Variants in ACTR6 observed in about 807,000 individuals in gnomAD.
ACTR6 encodes the protein actin related protein 6, also known as actin-related protein 6.
A neutral mutation model predicts 52.5 loss-of-function variants in ACTR6; 50 were observed. The observed-to-expected ratio is 0.95, with a 90% CI of 0.76 to 1.20. The LOEUF (loss-of-function observed/expected upper bound fraction) is 1.20. Ranked by LOEUF, ACTR6 falls within the 50% of genes most tolerant of loss-of-function variation. ACTR6 has a pLI of 0.00. For synonymous variants in ACTR6, 135 were observed against 147.2 expected (o/e 0.92, Z 0.60); for missense variants, 344 against 472.4 (o/e 0.73, Z 2.52).
chr12:100,212,362 T>C lies in ACTR6; in HGVS notation c.671+8T>C. ...AGACATGGATATTGCAAAGTATGTA[T>C]AATGACAATCTAAGAATTGGAAAGT... is the stretch of plus-strand genomic sequence containing the variant. On this transcript the variant is annotated splice_region_variant and intron_variant, in intron 7 of 10. Coordinates refer to ENST00000188312, the MANE Select transcript of ACTR6 (RefSeq NM_022496.5). 1 of 1,600,538 alleles carries C rather than the reference T, an allele frequency of 6.2e-7. No individual in the cohort carries two copies. Among genetic ancestry groups the C allele is most frequent in the East Asian group, 2.2e-5 (1 of 44,738 alleles).
chr12:100,201,056 G>A, intron 1 of ACTR6, 137 bp downstream of exon 1: 1 of 1,531,964 alleles, frequency 6.5e-7, no homozygotes, highest in South Asian at 1.2e-5. Flanking sequence ...CCTGGTTGGA[G>A]CTGGGTGGGT....
chr12:100,211,640 T>A (rs897235764), intron 6 of ACTR6, among the ~76,000 whole-genome samples: 1 of 152,042 alleles, frequency 6.6e-6, no homozygotes, highest in Non-Finnish European at 1.5e-5. Flanking sequence ...TATATATATA[T>A]GTTTTAAAGA....
intron 8 of ACTR6, among the ~76,000 whole-genome samples, chr12:100,214,575 A>T (rs948407919): frequency 4.6e-5 from 7 of 152,000 alleles, no homozygotes; most frequent in Admixed American, 2.0e-4. Flanking sequence ...AAAAAAAAAA[A>T]AAAATTAAAA....
At chr12:100,219,891 C>A (rs2096126727) in intron 9 of ACTR6, 117 bp from the exon 10 acceptor site, 5 of 1,003,320 alleles carry the variant, frequency 5.0e-6, no homozygotes, top group Admixed American at 2.7e-5. Context: ...TGGTTTCCCA[C>A]CAGTAACTGT....
intron 8 of ACTR6, among the ~76,000 whole-genome samples, chr12:100,216,072 G>A (rs1398489508): frequency 6.6e-6 from 1 of 152,196 alleles, no homozygotes. Context: ...GACCTAAATT[G>A]AGAAAATCGT....
intron 4 of ACTR6, 94 bp from the exon 5 acceptor site, chr12:100,209,979 T>C: frequency 1.8e-6 from 2 of 1,107,704 alleles, no homozygotes; most frequent in South Asian, 1.7e-5. Context: ...AAAGGGAACA[T>C]TTTTGTCTTG....
In ACTR6 at chr12:100,218,700, T is replaced by C. The variant is rs2096125709; in HGVS notation, c.922+114T>C. ...AGGCAAATTGGTGAGTCTGTTTTAT[T>C]TGCAGAGATTTGTAGATCCCATAAT... On this transcript the variant is annotated intron_variant, in intron 9 of 10. Coordinates refer to ENST00000188312, the MANE Select transcript of ACTR6 (RefSeq NM_022496.5). This position sits in a 1 kb window ranked among gnomAD's most constrained non-coding sequence, Gnocchi z 4.2. The C allele has an allele frequency of 3.4e-6, 2 of 593,342 alleles. No individual in the cohort carries two copies. Among genetic ancestry groups the C allele is most frequent in the Non-Finnish European group, 5.1e-6 (2 of 392,978 alleles). 36.8% of individuals were successfully genotyped at this position (593,342 alleles called of 1,614,324 possible). A position where few individuals can be genotyped will look rare whatever the true frequency, so the allele number is the denominator to read the frequency against.
chr12:100,223,636 C>A, intron 10 of ACTR6, 150 bp from the exon 11 acceptor site: 1 of 904,542 alleles, frequency 1.1e-6, no homozygotes, highest in South Asian at 1.8e-5. Flanking sequence ...GTACCTTAAA[C>A]AATTTTCTGT....
intron 9 of ACTR6, 150 bp from the exon 10 acceptor site, chr12:100,219,858 T>C (rs979053175): frequency 2.8e-6 from 2 of 704,208 alleles, no homozygotes; most frequent in Admixed American, 2.9e-5. Flanking sequence ...TTACAAATCT[T>C]AGAATGGACC....
chr12:100,216,133 C>T (rs1179695059), intron 8 of ACTR6, among the ~76,000 whole-genome samples: 1 of 152,208 alleles, frequency 6.6e-6, no homozygotes, highest in African/African-American at 2.4e-5. Flanking sequence ...ATACACTGAT[C>T]ATTTCTTTAA....
At chr12:100,219,970 G>A (rs1390846211) in intron 9 of ACTR6, 38 bp from the exon 10 acceptor site, 6 of 1,603,252 alleles carry the variant, frequency 3.7e-6, no homozygotes, top group Non-Finnish European at 5.1e-6. Context: ...ATTTTCTAAT[G>A]CCTTTTTTCC....
At chr12:100,202,461 A>G (rs1004886250) in intron 1 of ACTR6, among the ~76,000 whole-genome samples, 3 of 152,176 alleles carry the variant, frequency 2.0e-5, no homozygotes, top group Non-Finnish European at 4.4e-5. Flanking sequence ...ACAGTATTAT[A>G]AGTGAAATAA....
Position 100,218,623 on chromosome 12 carries a change from T to G in ACTR6, c.922+37T>G. 1 of 1,330,338 alleles carries G rather than the reference T, an allele frequency of 7.5e-7. No individual in the cohort carries two copies. The highest frequency in any genetic ancestry group is 9.8e-7 in the Non-Finnish European group (1 of 1,016,884). 82.4% of individuals were successfully genotyped at this position (1,330,338 alleles called of 1,614,324 possible). ...GAGTAAAATACTAAAGAATTATAAT[T>G]GTTTTAAAAACATCATAAGCCCTGT... On this transcript the variant is annotated intron_variant, in intron 9 of 10. Coordinates refer to ENST00000188312, the MANE Select transcript of ACTR6 (RefSeq NM_022496.5). The surrounding 1 kb of genome is among the most constrained non-coding windows in gnomAD (Gnocchi z 4.2).
intron 8 of ACTR6, among the ~76,000 whole-genome samples, chr12:100,217,828 C>T (rs113871544): frequency 0.038 from 5,810 of 152,132 alleles, 153 homozygotes; most frequent in South Asian, 0.073. Context: ...AGCCACATAT[C>T]CAGTAAACAC....
At chr12:100,220,740 A>G (rs1431082670) in intron 10 of ACTR6, among the ~76,000 whole-genome samples, 4 of 152,198 alleles carry the variant, frequency 2.6e-5, no homozygotes, top group African/African-American at 9.7e-5. Flanking sequence ...CTTGCCTGTA[A>G]TCCCAGCACT....
rs953914321 is a variant in ACTR6 at position 100,219,876 on chromosome 12, T to G, written c.923-132T>G. On this transcript the variant is annotated intron_variant, in intron 9 of 10. Transcript: ENST00000188312. The stretch of plus-strand genomic sequence containing the variant: ...CAAATCTTAGAATGGACCTGAAAAT[T>G]TATTTGGTTTCCCACCAGTAACTGT... The G allele has an allele frequency of 5.9e-6, 5 of 840,924 alleles. No individual in the cohort carries two copies. The African/African-American group carries it at 6.9e-5, about 12-fold the overall frequency. 52.1% of individuals were successfully genotyped at this position (840,924 alleles called of 1,614,324 possible).
chr12:100,223,808 G>A lies in ACTR6; in HGVS notation c.1084G>A (p.Gly362Ser). 2 of 1,608,918 alleles carry A rather than the reference G, an allele frequency of 1.2e-6. No individual in the cohort carries two copies. Among genetic ancestry groups the A allele is most frequent in the Non-Finnish European group, 1.7e-6 (2 of 1,178,406 alleles). Reference sequence around the variant, plus strand: ...CAGCCCTATTACTTATGCCTGGGAAGGTGGAAAATTGATATCAGAGAATGA... The same window carrying A: ...CAGCCCTATTACTTATGCCTGGGAAAGTGGAAAATTGATATCAGAGAATGA... The part of the protein sequence containing the change: ...PENPITYAWE[G>S]GKLISENDDF... The change falls in exon 11 of 11, where the codon GGT (glycine) becomes AGT (serine). Residue 362 changes from glycine (G) to serine (S), a missense_variant. Gly to Ser is a moderately conservative substitution (Grantham distance 56). Coordinates refer to ENST00000188312, the MANE Select transcript of ACTR6 (RefSeq NM_022496.5).
At chr12:100,203,066 C>G (rs1307093689) in intron 1 of ACTR6, among the ~76,000 whole-genome samples, 1 of 152,140 alleles carries the variant, frequency 6.6e-6, no homozygotes, top group Non-Finnish European at 1.5e-5. Context: ...ATGCACAGTT[C>G]AAAATAGGGT....
At chr12:100,210,414 T>G in intron 6 of ACTR6, 63 bp downstream of exon 6, 1 of 1,513,552 alleles carries the variant, frequency 6.6e-7, no homozygotes, top group Non-Finnish European at 9.1e-7. Flanking sequence ...TTACAGTAAT[T>G]TAAGATTATT....
Sources: gnomAD v4.1 joint callset for allele counts (sites outside exome capture counted in the v4.1 genomes callset) on GRCh38, gnomAD v4.1.1 for gene constraint, Gnocchi (gnomAD v3.1) non-coding constraint, MANE v1.5 for transcripts, NCBI Gene and HGNC (gene_info 2026-07-23, HGNC 2026-07-21) for gene names.